The following TBC1D9 variants were observed in gnomAD, a reference collection of about 807,000 sequenced individuals.
TBC1D9 encodes the protein TBC1 domain family member 9, also known as TBC1 domain family member 9A.
TBC1D9 carries 63 observed loss-of-function variants against 132.0 expected under a neutral mutation model. The observed-to-expected ratio is 0.48, with a 90% CI of 0.39 to 0.59. TBC1D9 has a LOEUF of 0.59. Among genes scored for constraint, TBC1D9 ranks in the 20% least tolerant of loss-of-function variants. The pLI is 0.00. For missense variants in TBC1D9, 1,261 were observed against 1,592.7 expected, an observed-to-expected ratio of 0.79 and a Z score of 3.54; for synonymous variants, 610 against 609.9, an observed-to-expected ratio of 1.00 and a Z score of 0.00.
At chr4:140,628,715 G>A (rs1377748004) in intron 16 of TBC1D9, among the ~76,000 whole-genome samples, 7 of 152,162 alleles carry the variant, frequency 4.6e-5, no homozygotes, top group African/African-American at 7.2e-5. Flanking sequence ...ATAGTGCCTG[G>A]CACCTAATAA....
At chr4:140,671,010 G>T in intron 6 of TBC1D9, 84 bp from the exon 7 acceptor site, 1 of 1,171,502 alleles carries the variant, frequency 8.5e-7, no homozygotes, top group Non-Finnish European at 1.2e-6. Context: ...GGAGGAAGGC[G>T]GCACTTTCAT....
chr4:140,752,033 T>C (rs770197857), intron 1 of TBC1D9, among the ~76,000 whole-genome samples: 3 of 152,154 alleles, frequency 2.0e-5, no homozygotes, highest in Non-Finnish European at 4.4e-5. Context: ...CTGAAATTGA[T>C]AATACATTAT....
chr4:140,639,110 C>T lies in TBC1D9; in HGVS notation c.2481G>A (p.Leu827=). Residue 827 remains leucine (L), a synonymous_variant, in exon 15 of 21, where the codon CTG becomes CTA. Coordinates refer to ENST00000442267, the MANE Select transcript of TBC1D9 (RefSeq NM_015130.3). The stretch of plus-strand genomic sequence containing the variant: ...CCTTGAAAAGAGCATAAAGTTCTTC[C>T]AGCTCATCAATGGTAAAGGAAGTTT... ...VTETSFTIDE[L]EELYALFKAE... 1 of 1,591,182 alleles carries T rather than the reference C, an allele frequency of 6.3e-7. No individual in the cohort carries two copies. Among genetic ancestry groups the T allele is most frequent in the Non-Finnish European group, 8.6e-7 (1 of 1,167,692 alleles).
chr4:140,669,087 A>G lies in TBC1D9; in HGVS notation c.1438-20T>C, dbSNP rs374271254. 30 of 1,613,440 alleles carry G rather than the reference A, an allele frequency of 1.9e-5. No individual in the cohort carries two copies. The African/African-American group carries it at 4.0e-4, about 21-fold the overall frequency. On this transcript the variant is annotated intron_variant, in intron 8 of 20. Coordinates refer to ENST00000442267, the MANE Select transcript of TBC1D9 (RefSeq NM_015130.3). ...TTTGGCCTGAAAGGGATAATGAAAC[A>G]TTATGACATCCAAAGTACCCTGAGG...
At chr4:140,712,419 A>G in intron 1 of TBC1D9, 1 of 106,002 alleles carries the variant, frequency 9.4e-6, no homozygotes, top group South Asian at 3.4e-4. Context: ...TTTATCAAGT[A>G]TTCTCTGAAT....
At chr4:140,645,330 C>A in intron 13 of TBC1D9, 1 of 501,736 alleles carries the variant, frequency 2.0e-6, no homozygotes, top group Non-Finnish European at 3.9e-6. Context: ...CCCAGCCAGC[C>A]ACTGCTGCCA....
Position 140,652,245 on chromosome 4 carries a change from A to T in TBC1D9, c.2337+4852T>A, listed in dbSNP as rs774280639. On this transcript the variant is annotated intron_variant, in intron 13 of 20. Coordinates refer to ENST00000442267, the MANE Select transcript of TBC1D9 (RefSeq NM_015130.3). ...GACAGAGGGAGACCCTGTCTCAAAT[A>T]AAAAAAAAAAAAAAAAGATTTTGTT... 9.7e-4 allele frequency among the ~76,000 whole-genome samples: 124 copies of T among 127,832 alleles called. No homozygotes were observed. In the Middle Eastern group the frequency reaches 0.019, roughly 20 times the overall value. 83.9% of individuals were successfully genotyped at this position (127,832 alleles called of 152,430 possible).
Position 140,622,786 on chromosome 4 carries a change from GAAC to G in TBC1D9, c.3207_3209del (p.Leu1069del), listed in dbSNP as rs746601015. On this transcript the variant is annotated inframe_deletion, in exon 21 of 21. Coordinates refer to ENST00000442267, the MANE Select transcript of TBC1D9 (RefSeq NM_015130.3). Reference sequence around the variant, plus strand: ...CGCCCTCCTTTGCAGGCTGGGCCACGAACAACTTGCCGACCTCCCCAATCTCCA... The same window carrying G: ...CGCCCTCCTTTGCAGGCTGGGCCACGAACTTGCCGACCTCCCCAATCTCCA... 2 of 1,602,804 alleles carry G rather than the reference GAAC, an allele frequency of 1.2e-6. No individual in the cohort carries two copies. Among genetic ancestry groups the G allele is most frequent in the Non-Finnish European group, 1.7e-6 (2 of 1,179,070 alleles).
At chr4:140,733,317 A>AC (rs1327969614) in intron 1 of TBC1D9, among the ~76,000 whole-genome samples, 1 of 152,068 alleles carries the variant, frequency 6.6e-6, no homozygotes, top group Non-Finnish European at 1.5e-5. Flanking sequence ...AAATGCCAAG[A>AC]GTTATTAAAT....
intron 3 of TBC1D9, among the ~76,000 whole-genome samples, chr4:140,683,374 T>C (rs1257338425): frequency 6.6e-6 from 1 of 152,082 alleles, no homozygotes. Context: ...AAGGAAATAA[T>C]CCAGAATGTA....
At chr4:140,672,898 G>A (rs992239660) in intron 6 of TBC1D9, among the ~76,000 whole-genome samples, 2 of 152,130 alleles carry the variant, frequency 1.3e-5, no homozygotes, top group African/African-American at 4.8e-5. Context: ...CGTGGCTCAC[G>A]CCTGTAATCC....
rs1453320273 is a variant in TBC1D9 at position 140,622,107 on chromosome 4, AAAAG to A, written c.*84_*87del. Reference sequence around the variant, plus strand: ...CCAGGTACTAATAAATATTTAATTTAAAAGAAAGAAAGAAAAAACTCAACACAGA... The same window carrying A: ...CCAGGTACTAATAAATATTTAATTTAAAAGAAAGAAAAAACTCAACACAGA... On this transcript the variant is annotated 3_prime_UTR_variant, in exon 21 of 21. Coordinates refer to ENST00000442267, the MANE Select transcript of TBC1D9 (RefSeq NM_015130.3). 13 of 1,470,010 alleles carry A rather than the reference AAAAG, an allele frequency of 8.8e-6. No homozygotes were observed. The highest frequency in any genetic ancestry group is 4.2e-5 in the African/African-American group (3 of 70,812). The allele number at this position is 1,470,010 out of a possible 1,614,324, so 91.1% of individuals were successfully genotyped here.
At chr4:140,633,270 C>T (rs1021163067) in intron 16 of TBC1D9, among the ~76,000 whole-genome samples, 1 of 152,194 alleles carries the variant, frequency 6.6e-6, no homozygotes, top group Non-Finnish European at 1.5e-5. Context: ...ATACTCTCAA[C>T]CTTACGTCAA....
intron 9 of TBC1D9, among the ~76,000 whole-genome samples, chr4:140,667,252 C>T (rs894676484): frequency 1.3e-5 from 2 of 152,018 alleles, no homozygotes; most frequent in African/African-American, 4.8e-5. Context: ...ACCCTGCGGT[C>T]TCACATGGTC....
intron 13 of TBC1D9, chr4:140,644,924 A>G: frequency 4.5e-6 from 2 of 447,114 alleles, no homozygotes; most frequent in South Asian, 3.5e-5. Flanking sequence ...GTGGGAACGC[A>G]GGGGCCATGC....
chr4:140,718,363 T>C (rs577117394), intron 1 of TBC1D9, among the ~76,000 whole-genome samples: 1 of 152,142 alleles, frequency 6.6e-6, no homozygotes, highest in Non-Finnish European at 1.5e-5. Flanking sequence ...AACAATCCCC[T>C]CTTTGCAAAA....
intron 1 of TBC1D9, among the ~76,000 whole-genome samples, chr4:140,722,858 A>G (rs949884356): frequency 9.9e-5 from 15 of 151,936 alleles, no homozygotes; most frequent in Non-Finnish European, 1.9e-4. Context: ...CAGAACATGG[A>G]TTTCACCGGG....
intron 1 of TBC1D9, among the ~76,000 whole-genome samples, 187 bp downstream of exon 1, chr4:140,755,729 G>C (rs1739000504): frequency 6.6e-6 from 1 of 152,160 alleles, no homozygotes; most frequent in Non-Finnish European, 1.5e-5. Flanking sequence ...GCCTGACAGA[G>C]TCAAAAAAAG....
At chr4:140,695,069 C>T (rs999879218) in intron 2 of TBC1D9, among the ~76,000 whole-genome samples, 8 of 152,168 alleles carry the variant, frequency 5.3e-5, no homozygotes, top group African/African-American at 1.7e-4. Context: ...TCTTTATCTA[C>T]AGTAGAGAAT....
Sources: gnomAD v4.1 joint callset for allele counts (sites outside exome capture counted in the v4.1 genomes callset) on GRCh38, gnomAD v4.1.1 for gene constraint, MANE v1.5 for transcripts, NCBI Gene and HGNC (gene_info 2026-07-23, HGNC 2026-07-21) for gene names.